Variants in SNED1 observed in about 807,000 individuals in gnomAD.
The protein encoded by SNED1 is sushi, nidogen and EGF like domains 1.
SNED1 carries 81 observed loss-of-function variants against 166.7 expected under a neutral mutation model. That is an observed-to-expected ratio of 0.49 (90% CI 0.41 to 0.58). The LOEUF (loss-of-function observed/expected upper bound fraction) is 0.58. Among genes scored for constraint, SNED1 ranks in the 20% least tolerant of loss-of-function variants. The pLI is 0.00. For missense variants in SNED1, 1,604 were observed against 2,000.2 expected, an observed-to-expected ratio of 0.80 and a Z score of 3.78; for synonymous variants, 762 against 822.0, an observed-to-expected ratio of 0.93 and a Z score of 1.25.
At chr2:241,017,422 G>T (rs960980375) in intron 1 of SNED1, among the ~76,000 whole-genome samples, 4 of 152,254 alleles carry the variant, frequency 2.6e-5, no homozygotes, top group African/African-American at 9.6e-5. Flanking sequence ...GGAGCCTGGG[G>T]AGTGCAGCTG....
rs572801307 is a variant in SNED1 at position 241,069,252 on chromosome 2, G to A, written c.3307+229G>A. ...GCAGTCTCCATCTCTAAAGGCTCCT[G>A]GTAGCTCCTCAGCATGGAGTTCCTA... On this transcript the variant is annotated intron_variant, in intron 23 of 31. Coordinates refer to ENST00000310397, the MANE Select transcript of SNED1 (RefSeq NM_001080437.3). The surrounding 1 kb of genome is among the most constrained non-coding windows in gnomAD (Gnocchi z 4.9). Among the ~76,000 whole-genome samples the A allele has an allele frequency of 6.6e-6, 1 of 152,284 alleles. No individual in the cohort carries two copies. The highest frequency in any genetic ancestry group is 2.1e-4 in the South Asian group (1 of 4,816).
chr2:241,022,892 A>G (rs1176069846), intron 1 of SNED1, among the ~76,000 whole-genome samples: 1 of 152,196 alleles, frequency 6.6e-6, no homozygotes, highest in Non-Finnish European at 1.5e-5. Flanking sequence ...TTCTCTGATA[A>G]CATCAGGGGC....
In SNED1 at chr2:241,094,091, C is replaced by A. The variant is rs570685210; in HGVS notation, c.*2455C>A. On this transcript the variant is annotated 3_prime_UTR_variant, in exon 32 of 32. Coordinates refer to ENST00000310397, the MANE Select transcript of SNED1 (RefSeq NM_001080437.3). This position sits in a 1 kb window ranked among gnomAD's most constrained non-coding sequence, Gnocchi z 4.3. ...CACAATGGAAGAGAAAATGAAAACACTGGCACAGTGAAATGTCTCATTTCC... is the reference window on the plus strand; with the variant it reads ...CACAATGGAAGAGAAAATGAAAACAATGGCACAGTGAAATGTCTCATTTCC... 4.6e-5 allele frequency: 16 copies of A among 347,808 alleles called. No individual in the cohort carries two copies. Among genetic ancestry groups the A allele is most frequent in the South Asian group, 3.5e-4 (16 of 45,620 alleles). 21.5% of individuals were successfully genotyped at this position (347,808 alleles called of 1,614,324 possible).
intron 8 of SNED1, 33 bp from the exon 9 acceptor site, chr2:241,048,282 C>T (rs771387088): frequency 3.2e-6 from 5 of 1,564,358 alleles, no homozygotes; most frequent in South Asian, 1.2e-5. Flanking sequence ...ACATTCCCTG[C>T]GTGGCCGCTG....
At chr2:241,021,869 G>C (rs2060783557) in intron 1 of SNED1, among the ~76,000 whole-genome samples, 1 of 152,180 alleles carries the variant, frequency 6.6e-6, no homozygotes, top group African/African-American at 2.4e-5. Context: ...CAAAGCAGCT[G>C]TACCATTTTA....
At chr2:241,042,525 C>T (rs2061546964) in intron 8 of SNED1, among the ~76,000 whole-genome samples, 1 of 152,070 alleles carries the variant, frequency 6.6e-6, no homozygotes. Context: ...AAAGAAGTAA[C>T]ATATAACTCA....
At chr2:241,076,345 C>T (rs2063018863) in intron 27 of SNED1, among the ~76,000 whole-genome samples, 1 of 152,088 alleles carries the variant, frequency 6.6e-6, no homozygotes, top group Admixed American at 6.6e-5. Context: ...GGAATTCAGA[C>T]TTATTCCTAG....
rs2059997317 is a variant in SNED1, at chr2:240,999,033, G to C, written c.196G>C (p.Glu66Gln). The C allele has an allele frequency of 3.0e-6, 4 of 1,321,792 alleles. No homozygotes were observed. Among genetic ancestry groups the C allele is most frequent in the Middle Eastern group, 2.8e-4 (1 of 3,626 alleles). 81.9% of individuals were successfully genotyped at this position (1,321,792 alleles called of 1,614,324 possible). The change falls in exon 1 of 32, where the codon GAG (glutamate) becomes CAG (glutamine). Residue 66 changes from glutamate (E) to glutamine (Q), a missense_variant. Glu to Gln is a conservative substitution (Grantham distance 29). Transcript: ENST00000310397. The surrounding 1 kb of genome is among the most constrained non-coding windows in gnomAD (Gnocchi z 5.8). Reference sequence around the variant, plus strand: ...GGTGCCCTTCCCGTTCTTCGGTGCCGAGCACTCCGGACTCTACGTGAGTAA... The same window carrying C: ...GGTGCCCTTCCCGTTCTTCGGTGCCCAGCACTCCGGACTCTACGTGAGTAA... ...LSVPFPFFGA[E>Q]HSGLYVNNNG...
At chr2:241,072,577 C>G (rs879846015) in intron 26 of SNED1, 1 of 269,030 alleles carries the variant, frequency 3.7e-6, no homozygotes, top group Non-Finnish European at 7.2e-6. Context: ...AAAAACTCCT[C>G]AGGCAGAGGA....
chr2:241,052,594 G>A, intron 15 of SNED1, 126 bp downstream of exon 15: 1 of 750,886 alleles, frequency 1.3e-6, no homozygotes, highest in Non-Finnish European at 2.3e-6. Flanking sequence ...AGGGGGCCAA[G>A]CAGGATATAT....
At chr2:241,004,675 A>C (rs1177358614) in intron 1 of SNED1, among the ~76,000 whole-genome samples, 1 of 152,154 alleles carries the variant, frequency 6.6e-6, no homozygotes, top group South Asian at 2.1e-4. Context: ...TTGTTGTCAT[A>C]TATATTACTT....
At chr2:241,039,114 C>A (rs140111473) in intron 6 of SNED1, among the ~76,000 whole-genome samples, 2 of 152,192 alleles carry the variant, frequency 1.3e-5, no homozygotes, top group Non-Finnish European at 1.5e-5. Context: ...CTCGACCCCC[C>A]ACAGGGGCTC....
rs185179843 is a variant in SNED1, at chr2:241,033,180, C to G, written c.502-555C>G. ...GTGTGGTGAAAGGCAGGACCCTGAT[C>G]TGATTCTTTTTCAGGGGGTTTCCTG... On this transcript the variant is annotated intron_variant, in intron 2 of 31. Coordinates refer to ENST00000310397, the MANE Select transcript of SNED1 (RefSeq NM_001080437.3). 1.1e-3 allele frequency among the ~76,000 whole-genome samples: 175 copies of G among 152,266 alleles called. 3 individuals carry two copies. In the Middle Eastern group the frequency reaches 0.024, roughly 21 times the overall value.
At chr2:241,074,093 A>G (rs1233372812) in intron 27 of SNED1, 3 of 152,250 alleles carry the variant, frequency 2.0e-5, no homozygotes, top group Non-Finnish European at 4.4e-5. Flanking sequence ...GAGTCATACC[A>G]TAGACTCAGA....
intron 26 of SNED1, chr2:241,072,696 C>A (rs2062793193): frequency 5.1e-6 from 1 of 196,256 alleles, no homozygotes; most frequent in Admixed American, 5.3e-5. Flanking sequence ...GAGGAGAGGG[C>A]AGGCAGCTGC....
In SNED1 at chr2:241,092,244, C is replaced by T. The variant is rs1209819282; in HGVS notation, c.*608C>T. 1 of 152,184 alleles carries T rather than the reference C, an allele frequency of 6.6e-6. No individual in the cohort carries two copies. Among genetic ancestry groups the T allele is most frequent in the Non-Finnish European group, 1.5e-5 (1 of 68,034 alleles). The allele number at this position is 152,184 out of a possible 1,614,324, so 9.4% of individuals were successfully genotyped here. The stretch of plus-strand genomic sequence containing the variant: ...GAGCCATCCTATGGACTAGTTAACA[C>T]TAAGGTGGAGTTCAGACTTTTTTAG... On this transcript the variant is annotated 3_prime_UTR_variant, in exon 32 of 32. Transcript: ENST00000310397. The surrounding 1 kb of genome is among the most constrained non-coding windows in gnomAD (Gnocchi z 4.6).
At chr2:241,066,755 G>A (rs2062468520) in intron 21 of SNED1, among the ~76,000 whole-genome samples, 1 of 152,164 alleles carries the variant, frequency 6.6e-6, no homozygotes, top group Non-Finnish European at 1.5e-5. Flanking sequence ...GAGGAGCTCG[G>A]CGGTTCTCAC....
chr2:241,039,225 G>T (rs1309187537), intron 6 of SNED1, among the ~76,000 whole-genome samples: 1 of 152,132 alleles, frequency 6.6e-6, no homozygotes, highest in Non-Finnish European at 1.5e-5. Context: ...GCGGAGTTGG[G>T]GTCAGGGAGA....
intron 26 of SNED1, 51 bp downstream of exon 26, chr2:241,071,929 C>A: frequency 7.1e-7 from 1 of 1,402,284 alleles, no homozygotes; most frequent in Non-Finnish European, 9.9e-7. Context: ...CTCGTCCTCA[C>A]TGCCACTCTC....
Sources: gnomAD v4.1 joint callset for allele counts (sites outside exome capture counted in the v4.1 genomes callset) on GRCh38, gnomAD v4.1.1 for gene constraint, Gnocchi (gnomAD v3.1) non-coding constraint, MANE v1.5 for transcripts, NCBI Gene and HGNC (gene_info 2026-07-23, HGNC 2026-07-21) for gene names.